USP37: variants seen among roughly 807,000 people sequenced by gnomAD.
USP37 encodes the protein ubiquitin specific peptidase 37, also known as ubiquitin carboxyl-terminal hydrolase 37.
Under a neutral mutation model 124.0 loss-of-function variants are expected in USP37, and 27 were observed. That is an observed-to-expected ratio of 0.22 (90% CI 0.16 to 0.30). The LOEUF (loss-of-function observed/expected upper bound fraction) is 0.30, where lower values mean the gene tolerates loss of function less well. Among genes scored for constraint, USP37 ranks in the 10% least tolerant of loss-of-function variants. The pLI, the probability that USP37 is intolerant of heterozygous loss-of-function variation, is 1.00. For missense variants in USP37, 889 were observed against 1,140.4 expected (o/e 0.78, Z 3.17); for synonymous variants, 365 against 388.0 (o/e 0.94, Z 0.70).
intron 8 of USP37, among the ~76,000 whole-genome samples, chr2:218,539,062 G>C (rs1691823928): frequency 6.6e-6 from 1 of 151,972 alleles, no homozygotes; most frequent in Non-Finnish European, 1.5e-5. Flanking sequence ...CTGCCTCCCA[G>C]GCTCAAGCCA....
In USP37 at chr2:218,468,762, C is replaced by T. The variant is rs560311103; in HGVS notation, c.2300-2586G>A. Among the ~76,000 whole-genome samples, 5 of 151,752 alleles carry T rather than the reference C, an allele frequency of 3.3e-5. No individual in the cohort carries two copies. The South Asian group carries it at 6.3e-4, about 19-fold the overall frequency. On this transcript the variant is annotated intron_variant, in intron 20 of 25. Transcript: ENST00000258399. ...AGGCTGGAGTACAGTGGCACAATCT[C>T]GGCTCACTGCAACCTCCAACTCCCG...
chr2:218,561,799 C>T (rs926889570), intron 2 of USP37, among the ~76,000 whole-genome samples: 5 of 152,176 alleles, frequency 3.3e-5, no homozygotes, highest in Admixed American at 6.5e-5. Context: ...ACTAATGTGA[C>T]GTAGAGGCCC....
At chr2:218,465,762 G>A (rs1043203665) in intron 21 of USP37, among the ~76,000 whole-genome samples, 1 of 152,026 alleles carries the variant, frequency 6.6e-6, no homozygotes, top group African/African-American at 2.4e-5. Flanking sequence ...TGTCATGTTG[G>A]CTAGGCTGGT....
intron 17 of USP37, among the ~76,000 whole-genome samples, chr2:218,481,092 C>T (rs1307585024): frequency 6.6e-6 from 1 of 152,036 alleles, no homozygotes; most frequent in African/African-American, 2.4e-5. Context: ...AACTAGTGTT[C>T]AAGTATAGAA....
In USP37 at chr2:218,488,434, A is replaced by C; in HGVS notation, c.1473-13T>G. 1 of 1,540,744 alleles carries C rather than the reference A, an allele frequency of 6.5e-7. No individual in the cohort carries two copies. Among genetic ancestry groups the C allele is most frequent in the South Asian group, 1.2e-5 (1 of 84,942 alleles). On this transcript the variant is annotated splice_polypyrimidine_tract_variant and intron_variant, in intron 14 of 25. Transcript: ENST00000258399. ...AATCTCTCCACATCTGTAAGAATAA[A>C]ATGAGACATGTAAGCATTTAGACCA...
rs773037740 is a variant in USP37 at position 218,454,883 on chromosome 2, G to A, written c.*47C>T. 5.1e-5 allele frequency: 82 copies of A among 1,598,562 alleles called. 1 individual carries two copies. The highest frequency in any genetic ancestry group is 3.0e-4 in the South Asian group (27 of 89,500). ...CAGCAGAGGAAAGGTGAGGTGGGCA[G>A]CAGTAACAAATATGCAGTGCATGCT... On this transcript the variant is annotated 3_prime_UTR_variant, in exon 26 of 26. Transcript: ENST00000258399.
In USP37 at chr2:218,476,866, C is replaced by T. The variant is rs866322508; in HGVS notation, c.2017G>A (p.Glu673Lys). 4.4e-6 allele frequency: 7 copies of T among 1,602,674 alleles called. No homozygotes were observed. The highest frequency in any genetic ancestry group is 1.1e-5 in the South Asian group (1 of 88,794). Residue 673 changes from glutamate (E) to lysine (K), a missense_variant, in exon 19 of 26, where the codon GAA (glutamate) becomes AAA (lysine). By Grantham distance (56) the Glu-to-Lys change is moderately conservative. Transcript: ENST00000258399. ...SQRLCEMLGN[E>K]QQQEDLEKDS... ...TTTTCCAGGTCTTCCTGCTGCTGTTCGTTGCCTAACATTTCACAAAGTCTC... is the reference window on the plus strand; with the variant it reads ...TTTTCCAGGTCTTCCTGCTGCTGTTTGTTGCCTAACATTTCACAAAGTCTC...
At chr2:218,554,327 C>A (rs1692829761) in intron 4 of USP37, among the ~76,000 whole-genome samples, 1 of 152,130 alleles carries the variant, frequency 6.6e-6, no homozygotes, top group African/African-American at 2.4e-5. Context: ...CGGAACAATC[C>A]TAGAACTCTT....
intron 14 of USP37, among the ~76,000 whole-genome samples, chr2:218,493,679 C>T (rs772755703): frequency 6.6e-6 from 1 of 152,146 alleles, no homozygotes. Context: ...CCATGTTGGC[C>T]AGGCTGGTCT....
chr2:218,462,854 T>C (rs549133681), intron 22 of USP37, among the ~76,000 whole-genome samples: 2 of 152,264 alleles, frequency 1.3e-5, no homozygotes, highest in Admixed American at 6.5e-5. Context: ...TCTAAGGTTC[T>C]ATTTCTTTAC....
At chr2:218,468,866 T>C (rs568726535) in intron 20 of USP37, among the ~76,000 whole-genome samples, 1 of 152,118 alleles carries the variant, frequency 6.6e-6, no homozygotes, top group East Asian at 1.9e-4. Flanking sequence ...GCTCATTTTT[T>C]ATTTTTAGTA....
At chr2:218,536,017 C>CAAAAA (rs59248363) in intron 8 of USP37, among the ~76,000 whole-genome samples, 17 of 80,826 alleles carry the variant, frequency 2.1e-4, no homozygotes, top group African/African-American at 5.4e-4. Context: ...GACTTCATCT[C>CAAAAA]AAAAAAAAAA....
rs1332605220 is a variant in USP37, at chr2:218,455,002, CTCA to C, written c.2865_2867del (p.Asp955del). 3 of 1,613,954 alleles carry C rather than the reference CTCA, an allele frequency of 1.9e-6. No individual in the cohort carries two copies. The highest frequency in any genetic ancestry group is 2.5e-6 in the Non-Finnish European group (3 of 1,180,020). On this transcript the variant is annotated inframe_deletion, in exon 26 of 26. Transcript: ENST00000258399. The stretch of plus-strand genomic sequence containing the variant: ...GAGAGTTCTTTTCTGTTTCCAGCAG[CTCA>C]TCAAAGATCTCCCTTAAGATAAAAC...
At position 218,451,095 on chromosome 2, in the gene USP37, A is replaced by G. The variant is rs1689465937; in HGVS notation, c.*3835T>C. On this transcript the variant is annotated 3_prime_UTR_variant, in exon 26 of 26. Coordinates refer to ENST00000258399, the MANE Select transcript of USP37 (RefSeq NM_020935.3). ...ATATTTTTTCAGATGTTAATAAGAC[A>G]TATCAGTAGAGACAAAATTAGGATT... 1 of 152,226 alleles carries G rather than the reference A, an allele frequency of 6.6e-6. No individual in the cohort carries two copies. Among genetic ancestry groups the G allele is most frequent in the African/African-American group, 2.4e-5 (1 of 41,462 alleles). The allele number at this position is 152,226 out of a possible 1,614,324, so 9.4% of individuals were successfully genotyped here. A position where few individuals can be genotyped will look rare whatever the true frequency, so the allele number is the denominator to read the frequency against.
intron 23 of USP37, 151 bp downstream of exon 23, chr2:218,459,639 G>A: frequency 1.8e-6 from 1 of 563,450 alleles, no homozygotes; most frequent in Non-Finnish European, 3.1e-6. Flanking sequence ...AAAATGAACA[G>A]CAAATGACAA....
chr2:218,504,551 C>T (rs1027787216), intron 11 of USP37, among the ~76,000 whole-genome samples: 1 of 151,950 alleles, frequency 6.6e-6, no homozygotes, highest in African/African-American at 2.4e-5. Context: ...TCAGTCTCCC[C>T]GGTAGCTGGG....
intron 24 of USP37, among the ~76,000 whole-genome samples, chr2:218,456,385 G>A (rs1183639916): frequency 6.6e-6 from 1 of 151,128 alleles, no homozygotes; most frequent in Non-Finnish European, 1.5e-5. Context: ...CCTGAGCCCA[G>A]GAATTCAGTG....
At chr2:218,485,777 G>A in intron 15 of USP37, 34 bp from the exon 16 acceptor site, 1 of 1,583,714 alleles carries the variant, frequency 6.3e-7, no homozygotes, top group Non-Finnish European at 8.6e-7. Context: ...GCATGAAGGT[G>A]AATCAGCATT....
At chr2:218,501,041 C>CT (rs57037342) in intron 11 of USP37, 272 of 134,800 alleles carry the variant, frequency 2.0e-3, no homozygotes, top group East Asian at 5.6e-3. Flanking sequence ...CACATCCAAT[C>CT]TTTTTTTTTT....
Sources: gnomAD v4.1 joint callset for allele counts (sites outside exome capture counted in the v4.1 genomes callset) on GRCh38, gnomAD v4.1.1 for gene constraint, MANE v1.5 for transcripts, NCBI Gene and HGNC (gene_info 2026-07-23, HGNC 2026-07-21) for gene names.